The following ARVCF variants were observed in gnomAD, a reference collection of about 807,000 sequenced individuals.
The protein encoded by ARVCF is splicing regulator ARVCF.
In ARVCF, 66 loss-of-function variants were observed where a neutral mutation model predicts 90.9. That is an observed-to-expected ratio of 0.73 (90% CI 0.60 to 0.89). ARVCF has a LOEUF of 0.89. ARVCF is among the 40% of genes least tolerant of loss of function. The probability of loss-of-function intolerance (pLI) is 0.00; values close to 1 mark genes in which losing one functional copy is unlikely to be tolerated. For synonymous variants in ARVCF, 653 were observed against 603.4 expected (o/e 1.08, Z -1.21); for missense variants, 1,469 against 1,382.3 (o/e 1.06, Z -1.00).
intron 18 of ARVCF, 42 bp from the exon 19 acceptor site, chr22:19,971,377 T>G: frequency 6.9e-7 from 1 of 1,455,902 alleles, no homozygotes; most frequent in Middle Eastern, 1.9e-4. Flanking sequence ...ATAGAGCAGG[T>G]TAGTTAGAGC....
intron 2 of ARVCF, among the ~76,000 whole-genome samples, chr22:19,997,111 G>C (rs1051350152): frequency 6.6e-6 from 1 of 152,228 alleles, no homozygotes; most frequent in South Asian, 2.1e-4. Context: ...TGCTGGATGG[G>C]AGGTCCAGGG....
At chr22:19,968,661 CCT>C (rs748633677), downstream of ARVCF, 1 of 1,614,076 alleles carries the variant, frequency 6.2e-7, no homozygotes, top group South Asian at 1.1e-5. Flanking sequence ...ACCAATCGTT[CCT>C]GGAATACAGG....
At chr22:19,981,821 C>A in intron 4 of ARVCF, 84 bp from the exon 5 acceptor site, 1 of 1,547,914 alleles carries the variant, frequency 6.5e-7, no homozygotes, top group South Asian at 1.2e-5. Flanking sequence ...CTTAATTTCC[C>A]ACTCGAGCAA....
In ARVCF at chr22:19,973,053, G is replaced by C; in HGVS notation, c.2439-17C>G. ...ACCGATTGGCTGTGGGGCCGGGGGC[G>C]GGGTCAGTGGTGGCCCCTCCCCCAC... On this transcript the variant is annotated splice_polypyrimidine_tract_variant and intron_variant, in intron 14 of 19. Coordinates refer to ENST00000263207, the MANE Select transcript of ARVCF (RefSeq NM_001670.3). 1 of 1,611,360 alleles carries C rather than the reference G, an allele frequency of 6.2e-7. No homozygotes were observed. The highest frequency in any genetic ancestry group is 8.5e-7 in the Non-Finnish European group (1 of 1,179,538).
intron 19 of ARVCF, among the ~76,000 whole-genome samples, chr22:19,971,011 C>A (rs902136209): frequency 3.9e-5 from 6 of 152,082 alleles, no homozygotes; most frequent in Admixed American, 3.9e-4. Flanking sequence ...GTGCCTGGGA[C>A]AGGGCTGTGG....
intron 1 of ARVCF, among the ~76,000 whole-genome samples, chr22:20,011,397 C>A (rs375962973): frequency 3.3e-5 from 5 of 152,164 alleles, no homozygotes; most frequent in South Asian, 2.1e-4. Flanking sequence ...CTCTCTCCCC[C>A]GCCTCTACGG....
At chr22:19,979,691 C>A in intron 6 of ARVCF, 52 bp downstream of exon 6, 1 of 1,533,142 alleles carries the variant, frequency 6.5e-7, no homozygotes, top group Admixed American at 1.8e-5. Flanking sequence ...CCGGGTTGAG[C>A]CTCACACTCT....
intron 2 of ARVCF, among the ~76,000 whole-genome samples, chr22:20,003,597 G>A (rs117393483): frequency 0.029 from 4,354 of 152,168 alleles, 99 homozygotes; most frequent in Middle Eastern, 0.068. Context: ...AATGTAATAC[G>A]CCACAGTAAT....
intron 2 of ARVCF, among the ~76,000 whole-genome samples, chr22:20,007,071 T>C (rs1162031272): frequency 6.6e-6 from 1 of 150,812 alleles, no homozygotes; most frequent in African/African-American, 2.5e-5. Context: ...CTGGGCAACA[T>C]GGCACAACCC....
chr22:19,986,860 G>A (rs890561820), intron 3 of ARVCF, among the ~76,000 whole-genome samples: 7 of 152,140 alleles, frequency 4.6e-5, no homozygotes, highest in African/African-American at 1.4e-4. Context: ...GAGACCCTGC[G>A]GCCCGCCCTG....
intron 7 of ARVCF, 100 bp downstream of exon 7, chr22:19,978,797 T>G: frequency 7.2e-7 from 1 of 1,397,006 alleles, no homozygotes. Flanking sequence ...GCTCCTAAGC[T>G]CTGGCGCTCC....
At chr22:20,009,021 C>T (rs1396510398) in intron 2 of ARVCF, among the ~76,000 whole-genome samples, 2 of 152,188 alleles carry the variant, frequency 1.3e-5, no homozygotes, top group African/African-American at 4.8e-5. Context: ...CAGCCAACCA[C>T]CCTCCTGCGG....
chr22:19,979,297 G>C, intron 6 of ARVCF: 2 of 599,466 alleles, frequency 3.3e-6, no homozygotes, highest in South Asian at 4.1e-5. Context: ...GGAGGGTGTG[G>C]CAGTGCTGTC....
intron 3 of ARVCF, among the ~76,000 whole-genome samples, chr22:19,984,994 C>A (rs1943689466): frequency 6.6e-6 from 1 of 152,182 alleles, no homozygotes; most frequent in Non-Finnish European, 1.5e-5. Context: ...GAGTTGGCTG[C>A]AGTCCCTGGA....
At position 19,973,306 on chromosome 22, in the gene ARVCF, T is replaced by C. The variant is rs751312174; in HGVS notation, c.2251A>G (p.Met751Val). 3.8e-6 allele frequency: 6 copies of C among 1,599,524 alleles called. No individual in the cohort carries two copies. Among genetic ancestry groups the C allele is most frequent in the Non-Finnish European group, 4.2e-6 (5 of 1,177,026 alleles). Residue 751 changes from methionine to valine, a missense_variant, in exon 14 of 20, where the codon ATG becomes GTG. Physicochemically the swap from Met to Val is conservative, Grantham distance 21. Transcript: ENST00000263207. ...CGCACATTCCGCACAAGCTCAGCCA[T>C]GGCGTAGCTCCCTGAGGGGCAGGAC... ...RNKDLIGSYA[M>V]AELVRNVRNA... is the part of the protein sequence containing the mutation.
At chr22:19,971,372 G>C in intron 18 of ARVCF, 37 bp from the exon 19 acceptor site, 1 of 1,538,256 alleles carries the variant, frequency 6.5e-7, no homozygotes, top group Non-Finnish European at 8.7e-7. Context: ...GCACAATAGA[G>C]CAGGTTAGTT....
chr22:19,988,330 A>G (rs1228982101), intron 3 of ARVCF, among the ~76,000 whole-genome samples: 1 of 152,198 alleles, frequency 6.6e-6, no homozygotes, highest in Non-Finnish European at 1.5e-5. Context: ...GAACCCCTGG[A>G]GCAGAGCGCA....
chr22:19,981,802 C>A, intron 4 of ARVCF, 65 bp from the exon 5 acceptor site: 1 of 1,549,092 alleles, frequency 6.5e-7, no homozygotes, highest in South Asian at 1.2e-5. Context: ...TTGCTGGGGT[C>A]TGGCTGGCCT....
intron 3 of ARVCF, chr22:19,987,101 G>A (rs142953729): frequency 1.8e-6 from 1 of 569,494 alleles, no homozygotes; most frequent in South Asian, 2.0e-5. Flanking sequence ...CATCGGGCCG[G>A]GACTCGGGGG....
Sources: gnomAD v4.1 joint callset for allele counts (sites outside exome capture counted in the v4.1 genomes callset) on GRCh38, gnomAD v4.1.1 for gene constraint, MANE v1.5 for transcripts, NCBI Gene and HGNC (gene_info 2026-07-23, HGNC 2026-07-21) for gene names.